CASP5: variants seen among roughly 807,000 people sequenced by gnomAD.
CASP5 encodes the protein caspase 5, also known as caspase-5.
Under a neutral mutation model 45.2 loss-of-function variants are expected in CASP5, and 42 were observed. That is an observed-to-expected ratio of 0.93 (90% CI 0.73 to 1.20). CASP5 has a LOEUF of 1.20. CASP5 is among the 50% of genes most tolerant of loss of function. CASP5 has a pLI of 0.00. For synonymous variants in CASP5, 209 were observed against 186.2 expected (o/e 1.12, Z -1.00); for missense variants, 512 against 532.2 (o/e 0.96, Z 0.37).
intron 1 of CASP5, among the ~76,000 whole-genome samples, chr11:105,021,495 C>T (rs1462304687): frequency 1.6e-4 from 24 of 150,598 alleles, no homozygotes; most frequent in African/African-American, 5.1e-4. Context: ...AAAAAGTGGG[C>T]GAAGGACATG....
Position 105,008,844 on chromosome 11 carries a change from T to C in CASP5, c.144A>G (p.Leu48=). ...TCGACTTTTGATCCGTATTAGGTACTAGGGTCTGGATAGATGTTTGTCCAG... is the reference window on the plus strand; with the variant it reads ...TCGACTTTTGATCCGTATTAGGTACCAGGGTCTGGATAGATGTTTGTCCAG... ...NVAGQTSIQT[L]VPNTDQKSTS... Residue 48 remains leucine (L), a synonymous_variant, in exon 2 of 10, where the codon CTA becomes CTG. Coordinates refer to ENST00000260315, the MANE Select transcript of CASP5 (RefSeq NM_004347.5). 3 of 1,613,122 alleles carry C rather than the reference T, an allele frequency of 1.9e-6. No homozygotes were observed. The highest frequency in any genetic ancestry group is 2.5e-6 in the Non-Finnish European group (3 of 1,179,310).
chr11:105,014,478 C>T (rs565968520), intron 1 of CASP5, among the ~76,000 whole-genome samples: 1 of 152,308 alleles, frequency 6.6e-6, no homozygotes, highest in South Asian at 2.1e-4. Flanking sequence ...TGGCCATAAA[C>T]TAGGCCTGCA....
intron 1 of CASP5, among the ~76,000 whole-genome samples, chr11:105,009,813 A>G (rs1402542191): frequency 1.0e-5 from 1 of 97,948 alleles, no homozygotes; most frequent in East Asian, 3.3e-4. Context: ...ATATACACAC[A>G]CATATATATA....
At position 105,002,193 on chromosome 11, in the gene CASP5, T is replaced by A. The variant is rs1430605688; in HGVS notation, c.552A>T (p.Pro184=). The A allele has an allele frequency of 3.1e-6, 5 of 1,613,890 alleles. No homozygotes were observed. The highest frequency in any genetic ancestry group is 4.2e-6 in the Non-Finnish European group (5 of 1,179,962). ...GTCTGCGGTCCTCTCTCTTTTTTAT[T>A]GGATAGATCTGCAGGAGATGGAGAT... ...LCKKNHDEIY[P]IKKREDRRRL... Residue 184 remains proline (P), a synonymous_variant, in exon 5 of 10, where the codon CCA becomes CCT. Coordinates refer to ENST00000260315, the MANE Select transcript of CASP5 (RefSeq NM_004347.5).
intron 9 of CASP5, among the ~76,000 whole-genome samples, chr11:104,995,414 CAAAG>C (rs1443572102): frequency 2.0e-5 from 3 of 151,968 alleles, no homozygotes; most frequent in Admixed American, 6.6e-5. Context: ...GAGAGAGAGA[CAAAG>C]AGAGGGAGTG....
At chr11:105,019,280 G>A (rs1369091899) in intron 1 of CASP5, among the ~76,000 whole-genome samples, 2 of 150,296 alleles carry the variant, frequency 1.3e-5, no homozygotes, top group African/African-American at 2.4e-5. Context: ...TCAAAAGCTA[G>A]CAGAAGGCAA....
At chr11:105,016,580 C>T (rs765499947) in intron 1 of CASP5, among the ~76,000 whole-genome samples, 16 of 152,174 alleles carry the variant, frequency 1.1e-4, no homozygotes, top group Admixed American at 2.0e-4. Flanking sequence ...CACTTCCACC[C>T]GAATACTGCG....
At position 104,999,976 on chromosome 11, in the gene CASP5, A is replaced by C. The variant is rs553429387; in HGVS notation, c.952+285T>G. Among the ~76,000 whole-genome samples, 117 of 152,340 alleles carry C rather than the reference A, an allele frequency of 7.7e-4. No individual in the cohort carries two copies. The Middle Eastern group carries it at 0.01, about 13-fold the overall frequency. The stretch of plus-strand genomic sequence containing the variant: ...ATCAAGCTATCATGTAAATGATTCC[A>C]TTTCAAAGTTTGAATATTTCTGTTT... On this transcript the variant is annotated intron_variant, in intron 6 of 9. Transcript: ENST00000260315.
chr11:104,998,031 T>G (rs1181996679), intron 7 of CASP5, among the ~76,000 whole-genome samples: 3 of 152,216 alleles, frequency 2.0e-5, no homozygotes, highest in Non-Finnish European at 4.4e-5. Flanking sequence ...TAAATAATAC[T>G]GTCTTATATA....
intron 7 of CASP5, among the ~76,000 whole-genome samples, chr11:104,998,108 A>G (rs537750644): frequency 6.6e-6 from 1 of 152,330 alleles, no homozygotes; most frequent in East Asian, 1.9e-4. Flanking sequence ...GAATGATGAT[A>G]ATAATAAATA....
intron 1 of CASP5, among the ~76,000 whole-genome samples, chr11:105,016,459 T>A (rs553375525): frequency 1.7e-3 from 253 of 152,232 alleles, no homozygotes; most frequent in African/African-American, 5.8e-3. Context: ...GTGCACCGTG[T>A]GCAAGCCGAA....
chr11:105,007,559 A>G (rs1014964611), intron 2 of CASP5, among the ~76,000 whole-genome samples: 2 of 152,072 alleles, frequency 1.3e-5, no homozygotes, highest in Non-Finnish European at 2.9e-5. Flanking sequence ...ATTTGTTTTT[A>G]TAGCTTTTCT....
chr11:105,000,690 T>C (rs1354656787), intron 5 of CASP5, among the ~76,000 whole-genome samples, 195 bp from the exon 6 acceptor site: 1 of 151,674 alleles, frequency 6.6e-6, no homozygotes, highest in African/African-American at 2.4e-5. Context: ...GGGCTGTGGG[T>C]TCCTACTTTT....
intron 1 of CASP5, among the ~76,000 whole-genome samples, chr11:105,016,394 T>C (rs1215616848): frequency 6.6e-6 from 1 of 152,088 alleles, no homozygotes; most frequent in Non-Finnish European, 1.5e-5. Context: ...CCATCTGAGG[T>C]ACCGGGTTCA....
chr11:104,997,665 A>G (rs1861528096), intron 7 of CASP5, among the ~76,000 whole-genome samples, 173 bp from the exon 8 acceptor site: 1 of 152,234 alleles, frequency 6.6e-6, no homozygotes, highest in Admixed American at 6.5e-5. Flanking sequence ...CAAAGGTTGA[A>G]CAAAAAAGAC....
intron 5 of CASP5, among the ~76,000 whole-genome samples, 183 bp downstream of exon 5, chr11:105,001,845 A>G (rs185088007): frequency 6.6e-6 from 1 of 152,284 alleles, no homozygotes; most frequent in Non-Finnish European, 1.5e-5. Context: ...GGCTCAAAAG[A>G]GACACTGATT....
chr11:105,006,931 A>C (rs1862025533), intron 3 of CASP5, 152 bp downstream of exon 3: 7 of 718,042 alleles, frequency 9.7e-6, no homozygotes, highest in Non-Finnish European at 1.2e-5. Context: ...CATAAAAGAC[A>C]AGGTGGTCTC....
intron 3 of CASP5, among the ~76,000 whole-genome samples, chr11:105,005,454 C>A (rs1047091952): frequency 6.6e-6 from 1 of 151,448 alleles, no homozygotes; most frequent in Non-Finnish European, 1.5e-5. Flanking sequence ...ACTCCAGAAT[C>A]CAATGCTTTG....
intron 1 of CASP5, among the ~76,000 whole-genome samples, chr11:105,015,899 G>A (rs558205596): frequency 1.3e-5 from 2 of 152,286 alleles, no homozygotes; most frequent in South Asian, 4.1e-4. Flanking sequence ...TACAAGTGAA[G>A]TAAAATACAG....
Sources: gnomAD v4.1 joint callset for allele counts (sites outside exome capture counted in the v4.1 genomes callset) on GRCh38, gnomAD v4.1.1 for gene constraint, MANE v1.5 for transcripts, NCBI Gene and HGNC (gene_info 2026-07-23, HGNC 2026-07-21) for gene names.